Variants in ATRNL1 observed in about 807,000 individuals in gnomAD.
The protein encoded by ATRNL1 is attractin like 1, also known as attractin-like protein 1.
ATRNL1 carries 95 observed loss-of-function variants against 182.7 expected under a neutral mutation model. The ratio of observed to expected loss-of-function variants is 0.52; its 90% CI spans 0.44 to 0.62. ATRNL1 has a LOEUF of 0.62. Among genes scored for constraint, ATRNL1 ranks in the 20% least tolerant of loss-of-function variants. ATRNL1 has a pLI of 0.00. For missense variants in ATRNL1, 1,471 were observed against 1,679.5 expected (o/e 0.88, Z 2.17); for synonymous variants, 576 against 568.3 (o/e 1.01, Z -0.19).
At chr10:115,815,489 AC>A (rs11349795) in intron 27 of ATRNL1, among the ~76,000 whole-genome samples, 151,286 of 151,288 alleles carry the variant, frequency 1, 75,642 homozygotes, top group Middle Eastern at 1. Flanking sequence ...ATAAGTTTCC[AC>A]TTGTGTTTTT....
rs368522041 is a variant in ATRNL1, at chr10:115,505,060, A to G, written c.3655-14203A>G. Among the ~76,000 whole-genome samples, 28 of 152,290 alleles carry G rather than the reference A, an allele frequency of 1.8e-4. No homozygotes were observed. The South Asian group carries it at 5.2e-3, about 28-fold the overall frequency. On this transcript the variant is annotated intron_variant, in intron 24 of 28. Transcript: ENST00000355044. ...AAAATCAAATTACAAAATTTACATAATAAGGTACTGAGACAAAAAGTCTGG... is the reference window on the plus strand; with the variant it reads ...AAAATCAAATTACAAAATTTACATAGTAAGGTACTGAGACAAAAAGTCTGG...
Position 115,133,169 on chromosome 10 carries a change from A to C in ATRNL1, c.829+3634A>C, listed in dbSNP as rs1014194069. Among the ~76,000 whole-genome samples the C allele has an allele frequency of 9.9e-5, 15 of 152,152 alleles. No individual in the cohort carries two copies. In the South Asian group the frequency reaches 1.9e-3, roughly 19 times the overall value. On this transcript the variant is annotated intron_variant, in intron 5 of 28. Transcript: ENST00000355044. Reference sequence around the variant, plus strand: ...ACATATGGCTAGCCAGTTTTCCCAGAACCATTTATTAAATAGGGAATCCTT... The same window carrying C: ...ACATATGGCTAGCCAGTTTTCCCAGCACCATTTATTAAATAGGGAATCCTT...
intron 27 of ATRNL1, among the ~76,000 whole-genome samples, chr10:115,756,307 A>G (rs1289370734): frequency 6.6e-6 from 1 of 152,174 alleles, no homozygotes; most frequent in East Asian, 1.9e-4. Flanking sequence ...ATTTAGTGCT[A>G]TAAATTTCCC....
chr10:115,646,043 A>ACACACACACG (rs1441367881), intron 26 of ATRNL1, among the ~76,000 whole-genome samples: 1 of 150,668 alleles, frequency 6.6e-6, no homozygotes, highest in Non-Finnish European at 1.5e-5. Flanking sequence ...ATTTACACAC[A>ACACACACACG]CACACACACA....
At chr10:115,196,554 T>C (rs890689338) in intron 8 of ATRNL1, among the ~76,000 whole-genome samples, 4 of 145,286 alleles carry the variant, frequency 2.8e-5, no homozygotes, top group Middle Eastern at 3.5e-3. Flanking sequence ...TTGTAATGCA[T>C]GGACATGGTA....
At chr10:115,170,940 T>C in intron 7 of ATRNL1, 97 bp from the exon 8 acceptor site, 1 of 713,212 alleles carries the variant, frequency 1.4e-6, no homozygotes, top group Non-Finnish European at 2.0e-6. Flanking sequence ...TGTGAACAAT[T>C]ACTAAAATTT....
chr10:115,928,588 T>C (rs963967080), intron 28 of ATRNL1, among the ~76,000 whole-genome samples: 2 of 152,024 alleles, frequency 1.3e-5, no homozygotes, highest in Admixed American at 6.6e-5. Flanking sequence ...AGAAGAATTG[T>C]CTATTGATTA....
At chr10:115,252,278 C>T (rs1271447563) in intron 10 of ATRNL1, among the ~76,000 whole-genome samples, 5 of 152,166 alleles carry the variant, frequency 3.3e-5, no homozygotes, top group East Asian at 1.9e-4. Flanking sequence ...CTGCCCGCCT[C>T]GACCTCCCAA....
chr10:115,161,921 A>C (rs572678244), intron 6 of ATRNL1, among the ~76,000 whole-genome samples: 5 of 152,230 alleles, frequency 3.3e-5, no homozygotes, highest in African/African-American at 9.6e-5. Context: ...TGGAAATGTT[A>C]CATTTTAAGA....
intron 27 of ATRNL1, among the ~76,000 whole-genome samples, chr10:115,759,732 G>A (rs771224285): frequency 1.0e-3 from 155 of 149,982 alleles, no homozygotes; most frequent in Non-Finnish European, 2.0e-3. Flanking sequence ...CTGGAGTGCA[G>A]TGGCATGATC....
intron 21 of ATRNL1, among the ~76,000 whole-genome samples, chr10:115,452,583 T>C (rs1468513195): frequency 6.6e-6 from 1 of 152,108 alleles, no homozygotes; most frequent in Non-Finnish European, 1.5e-5. Context: ...ACACAATAAA[T>C]ATCCACAATT....
chr10:115,411,985 T>C (rs572621361), intron 20 of ATRNL1, among the ~76,000 whole-genome samples: 2 of 152,316 alleles, frequency 1.3e-5, no homozygotes, highest in African/African-American at 4.8e-5. Flanking sequence ...TTCCATTTCC[T>C]TCCTTGAGTG....
At chr10:115,668,402 A>G (rs1861125394) in intron 26 of ATRNL1, among the ~76,000 whole-genome samples, 1 of 152,050 alleles carries the variant, frequency 6.6e-6, no homozygotes, top group Admixed American at 6.6e-5. Flanking sequence ...ATATTCTATT[A>G]ATTTTTTTGT....
At chr10:115,364,176 G>A (rs1186412150) in intron 19 of ATRNL1, among the ~76,000 whole-genome samples, 1 of 141,554 alleles carries the variant, frequency 7.1e-6, no homozygotes, top group African/African-American at 2.6e-5. Flanking sequence ...CCATTTGTTT[G>A]TATCCTCTTT....
intron 28 of ATRNL1, among the ~76,000 whole-genome samples, chr10:115,940,812 G>C (rs891425584): frequency 1.3e-5 from 2 of 152,024 alleles, no homozygotes; most frequent in East Asian, 3.9e-4. Context: ...GGTTGAAAGA[G>C]AACGTAGCAA....
At chr10:115,325,148 A>AT (rs1400787285) in intron 18 of ATRNL1, among the ~76,000 whole-genome samples, 16 of 151,890 alleles carry the variant, frequency 1.1e-4, no homozygotes, top group Admixed American at 2.0e-4. Flanking sequence ...TTTTATTTTG[A>AT]TTTTTTTCTG....
At chr10:115,243,791 G>T (rs1564846150) in intron 10 of ATRNL1, among the ~76,000 whole-genome samples, 1 of 151,186 alleles carries the variant, frequency 6.6e-6, no homozygotes, top group Admixed American at 6.6e-5. Context: ...TTTAACAAAG[G>T]TTTTTTTTTA....
rs1554971565 is a variant in ATRNL1 at position 115,469,213 on chromosome 10, A to G, written c.3538A>G (p.Asn1180Asp). ...GGAAGAGACTTCTATAGTTTCCAAG[A>G]ATAATATAAAGGAATACAGAGATAG... is the stretch of plus-strand genomic sequence containing the variant. ...SGEETSIVSK[N>D]NIKEYRDSFS... is the part of the protein sequence containing the mutation. Residue 1180 changes from asparagine to aspartate, a missense_variant, in exon 24 of 29, where the codon AAT (asparagine) becomes GAT (aspartate). Around this residue, in one of 3 missense-constraint regions of ATRNL1, gnomAD observed 437 missense variants for 506.0 expected, o/e 0.86. Coordinates refer to ENST00000355044, the MANE Select transcript of ATRNL1 (RefSeq NM_207303.4). 1 of 1,397,682 alleles carries G rather than the reference A, an allele frequency of 7.2e-7. No homozygotes were observed. The highest frequency in any genetic ancestry group is 1.5e-5 in the South Asian group (1 of 65,586). The allele number at this position is 1,397,682 out of a possible 1,614,324, so 86.6% of individuals were successfully genotyped here.
At chr10:115,286,986 A>G (rs1852649894) in intron 15 of ATRNL1, among the ~76,000 whole-genome samples, 1 of 151,952 alleles carries the variant, frequency 6.6e-6, no homozygotes, top group African/African-American at 2.4e-5. Context: ...ATGCCATTTT[A>G]TATTACATAA....
Sources: allele counts gnomAD v4.1 joint callset (sites outside exome capture counted in the v4.1 genomes callset), GRCh38; gene constraint gnomAD v4.1.1; regional missense constraint gnomAD v4.1.1; transcripts MANE v1.5; gene names NCBI Gene and HGNC (gene_info 2026-07-23, HGNC 2026-07-21).